The following ABHD5 variants were observed in gnomAD, a reference collection of about 807,000 sequenced individuals.
The protein encoded by ABHD5 is 1-acylglycerol-3-phosphate O-acyltransferase ABHD5.
In ABHD5, 30 loss-of-function variants were observed where a neutral mutation model predicts 44.9. The observed-to-expected ratio is 0.67, with a 90% CI of 0.50 to 0.91. ABHD5 has a LOEUF of 0.91. ABHD5 is among the 40% of genes least tolerant of loss of function. ABHD5 has a pLI of 0.00. For missense variants in ABHD5, 399 were observed against 423.4 expected (o/e 0.94, Z 0.50); for synonymous variants, 167 against 147.0 (o/e 1.14, Z -0.99).
chr3:43,714,539 A>T (rs867997894), intron 4 of ABHD5, among the ~76,000 whole-genome samples: 1 of 152,220 alleles, frequency 6.6e-6, no homozygotes, highest in African/African-American at 2.4e-5. Context: ...TCACACAGAA[A>T]TAATTATGTA....
At chr3:43,724,552 C>T (rs1341749764), downstream of ABHD5, among the ~76,000 whole-genome samples, 2 of 152,116 alleles carry the variant, frequency 1.3e-5, no homozygotes, top group Non-Finnish European at 2.9e-5. Context: ...AGTCACAAAT[C>T]AAACACATAA....
chr3:43,725,305 A>AT (rs1179708055), downstream of ABHD5, among the ~76,000 whole-genome samples: 1 of 152,184 alleles, frequency 6.6e-6, no homozygotes, highest in Non-Finnish European at 1.5e-5. Context: ...GTGCACCATT[A>AT]TATCTCTCCT....
intron 1 of ABHD5, among the ~76,000 whole-genome samples, chr3:43,692,454 G>C (rs2084406964): frequency 6.6e-6 from 1 of 152,180 alleles, no homozygotes; most frequent in Non-Finnish European, 1.5e-5. Context: ...GGGCCTTGGA[G>C]TCCAGGACAC....
At chr3:43,703,495 A>G (rs1019892819) in intron 3 of ABHD5, among the ~76,000 whole-genome samples, 4 of 152,094 alleles carry the variant, frequency 2.6e-5, no homozygotes, top group East Asian at 1.9e-4. Flanking sequence ...CGTTATTTTT[A>G]AATGCTATTT....
chr3:43,733,137 G>T (rs889873739), intron 7 of ABHD5, among the ~76,000 whole-genome samples: 3 of 152,212 alleles, frequency 2.0e-5, no homozygotes, highest in African/African-American at 7.2e-5. Context: ...TTAGAAGGAA[G>T]TCACAGGTTT....
chr3:43,725,567 G>T (rs1193525934), downstream of ABHD5, among the ~76,000 whole-genome samples: 8 of 152,188 alleles, frequency 5.3e-5, no homozygotes, highest in African/African-American at 1.9e-4. Context: ...TCCATAAGGT[G>T]CCCATTGTTT....
intron 1 of ABHD5, among the ~76,000 whole-genome samples, chr3:43,693,215 G>C (rs1312261773): frequency 6.6e-6 from 1 of 152,226 alleles, no homozygotes; most frequent in Admixed American, 6.5e-5. Context: ...GCAGTTGTGT[G>C]CTGGAGTTGA....
rs1421447621 is a variant in ABHD5 at position 43,722,192 on chromosome 3, A to T, written c.*3660A>T. 6.6e-6 allele frequency: 1 copy of T among 152,240 alleles called. No homozygotes were observed. Among genetic ancestry groups the T allele is most frequent in the Non-Finnish European group, 1.5e-5 (1 of 68,038 alleles). 9.4% of individuals were successfully genotyped at this position (152,240 alleles called of 1,614,324 possible). ...CTGGAAGCCAGCCAAATCTCCATTGATAGGGAATTGATGGAAGGAACTAGG... is the reference window on the plus strand; with the variant it reads ...CTGGAAGCCAGCCAAATCTCCATTGTTAGGGAATTGATGGAAGGAACTAGG... On this transcript the variant is annotated 3_prime_UTR_variant, in exon 7 of 7. Coordinates refer to ENST00000644371, the MANE Select transcript of ABHD5 (RefSeq NM_016006.6).
rs1575608257 is a variant in ABHD5, at chr3:43,719,700, G to A, written c.*1168G>A. 2.6e-5 allele frequency: 4 copies of A among 152,196 alleles called. No individual in the cohort carries two copies. In the South Asian group the frequency reaches 8.3e-4, roughly 32 times the overall value. The allele number at this position is 152,196 out of a possible 1,614,324, so 9.4% of individuals were successfully genotyped here. On this transcript the variant is annotated 3_prime_UTR_variant, in exon 7 of 7. Coordinates refer to ENST00000644371, the MANE Select transcript of ABHD5 (RefSeq NM_016006.6). The stretch of plus-strand genomic sequence containing the variant: ...GCATTTTCTTGCAGTTTTAAAATGA[G>A]GAAAACTTCTTTGAAACTGTGAAAT...
At chr3:43,734,292 G>A (rs537268322) in exon 8 of ABHD5, 1 of 152,330 alleles carries the variant, frequency 6.6e-6, no homozygotes, top group South Asian at 2.1e-4. Context: ...GTGGGACCCA[G>A]TCTGTGGTGC....
intron 1 of ABHD5, among the ~76,000 whole-genome samples, chr3:43,696,899 C>T (rs1275873415): frequency 6.6e-6 from 1 of 151,850 alleles, no homozygotes; most frequent in Non-Finnish European, 1.5e-5. Context: ...TAGAAAAAAA[C>T]CCACTTTAAA....
intron 6 of ABHD5, 123 bp from the exon 7 acceptor site, chr3:43,718,320 A>C: frequency 2.4e-6 from 2 of 817,338 alleles, no homozygotes; most frequent in Non-Finnish European, 2.2e-6. Flanking sequence ...TTATTTTTTA[A>C]TCACGTGTTT....
chr3:43,696,053 A>G (rs575809721), intron 1 of ABHD5, among the ~76,000 whole-genome samples: 28 of 152,336 alleles, frequency 1.8e-4, no homozygotes, highest in African/African-American at 6.7e-4. Context: ...TAATAAGGTA[A>G]GTGCCCAACT....
chr3:43,724,183 G>A (rs960281291), downstream of ABHD5, among the ~76,000 whole-genome samples: 1 of 152,110 alleles, frequency 6.6e-6, no homozygotes, highest in African/African-American at 2.4e-5. Context: ...AAAAGAGATT[G>A]GATAATGCCA....
At chr3:43,705,588 GTTTAC>G (rs1379292508) in intron 3 of ABHD5, among the ~76,000 whole-genome samples, 1 of 152,152 alleles carries the variant, frequency 6.6e-6, no homozygotes, top group African/African-American at 2.4e-5. Flanking sequence ...AAATTTTATA[GTTTAC>G]TTTTTCCCTG....
chr3:43,716,740 T>C (rs1323027278), intron 5 of ABHD5, among the ~76,000 whole-genome samples: 1 of 152,208 alleles, frequency 6.6e-6, no homozygotes, highest in African/African-American at 2.4e-5. Context: ...TTCATTTTCC[T>C]GCATGGCGTA....
At chr3:43,723,053 A>G (rs2084854145), downstream of ABHD5, among the ~76,000 whole-genome samples, 1 of 152,220 alleles carries the variant, frequency 6.6e-6, no homozygotes, top group African/African-American at 2.4e-5. Context: ...CAAGGCAGCA[A>G]ACAGAGTAAG....
chr3:43,698,705 A>C (rs1340765165), intron 1 of ABHD5, among the ~76,000 whole-genome samples: 1 of 152,222 alleles, frequency 6.6e-6, no homozygotes, highest in Non-Finnish European at 1.5e-5. Flanking sequence ...TTCTATTAAC[A>C]GTTAACCAGT....
At position 43,697,522 on chromosome 3, in the gene ABHD5, A is replaced by C. The variant is rs373808548; in HGVS notation, c.48-1754A>C. On this transcript the variant is annotated intron_variant, in intron 1 of 6. Transcript: ENST00000644371. ...CAAGGACAAAAGAGCTTCACCTTTAACCTCTAAAAATCATGAGTTCTTTTA... is the reference window on the plus strand; with the variant it reads ...CAAGGACAAAAGAGCTTCACCTTTACCCTCTAAAAATCATGAGTTCTTTTA... 7.2e-5 allele frequency among the ~76,000 whole-genome samples: 11 copies of C among 152,266 alleles called. No homozygotes were observed. In the East Asian group the frequency reaches 1.5e-3, roughly 21 times the overall value.
Sources: gnomAD v4.1 joint callset for allele counts (sites outside exome capture counted in the v4.1 genomes callset) on GRCh38, gnomAD v4.1.1 for gene constraint, MANE v1.5 for transcripts, NCBI Gene and HGNC (gene_info 2026-07-23, HGNC 2026-07-21) for gene names.